The following BIRC6 variants were observed in gnomAD, a reference collection of about 807,000 sequenced individuals.
BIRC6 encodes dual E2 ubiquitin-conjugating enzyme/E3 ubiquitin-protein ligase BIRC6.
In BIRC6, 98 loss-of-function variants were observed where a neutral mutation model predicts 503.3. The observed-to-expected ratio is 0.19, with a 90% CI of 0.17 to 0.23. BIRC6 has a LOEUF of 0.23. BIRC6 is among the 10% of genes least tolerant of loss of function. The probability of loss-of-function intolerance (pLI) is 1.00; values close to 1 mark genes in which losing one functional copy is unlikely to be tolerated. For missense variants in BIRC6, 5,360 were observed against 5,806.0 expected, an observed-to-expected ratio of 0.92 and a Z score of 2.50; for synonymous variants, 2,240 against 2,078.7, an observed-to-expected ratio of 1.08 and a Z score of -2.11.
At chr2:32,407,149 G>A (rs1488745062) in intron 9 of BIRC6, among the ~76,000 whole-genome samples, 1 of 151,994 alleles carries the variant, frequency 6.6e-6, no homozygotes, top group African/African-American at 2.4e-5. Context: ...CTGTTATTTA[G>A]AGTTTTAAGA....
chr2:32,617,699 A>G lies in BIRC6; in HGVS notation c.14395-26A>G, dbSNP rs368210349. The G allele has an allele frequency of 1.9e-6, 3 of 1,604,396 alleles. No individual in the cohort carries two copies. The African/African-American group carries it at 4.0e-5, about 21-fold the overall frequency. ...GTTGTGCTAGAGGGTTTGCAGTTCT[A>G]ACATTAGTCCTTTTCTCCTGCATAG... On this transcript the variant is annotated intron_variant, in intron 73 of 73. Transcript: ENST00000421745.
At chr2:32,601,110 T>G (rs1452897724) in intron 70 of BIRC6, among the ~76,000 whole-genome samples, 1 of 152,236 alleles carries the variant, frequency 6.6e-6, no homozygotes, top group African/African-American at 2.4e-5. Context: ...TTGCACAAGC[T>G]TGCACTAAAG....
chr2:32,571,378 C>CTTTTTTT (rs61599835), intron 65 of BIRC6, among the ~76,000 whole-genome samples: 411 of 20,286 alleles, frequency 0.02, 32 homozygotes, highest in East Asian at 0.05. Context: ...TGGTCCTGGG[C>CTTTTTTT]TTTTTTTTTT....
chr2:32,611,399 TA>T, intron 72 of BIRC6, 48 bp from the exon 73 acceptor site: 1 of 1,507,722 alleles, frequency 6.6e-7, no homozygotes, highest in Non-Finnish European at 9.0e-7. Flanking sequence ...CTGTGTCTTT[TA>T]AATTTGACTG....
chr2:32,404,731 G>A (rs776181562), intron 8 of BIRC6, among the ~76,000 whole-genome samples: 4 of 151,260 alleles, frequency 2.6e-5, no homozygotes, highest in South Asian at 2.1e-4. Context: ...CCGGGCTCAC[G>A]GCTCACTGCA....
chr2:32,548,500 A>G (rs2058212010), intron 64 of BIRC6, among the ~76,000 whole-genome samples: 1 of 150,916 alleles, frequency 6.6e-6, no homozygotes. Flanking sequence ...ATAACTTTTC[A>G]GCCGGGCGTG....
At position 32,524,968 on chromosome 2, in the gene BIRC6, G is replaced by C. The variant is rs1177739917; in HGVS notation, c.11704G>C (p.Val3902Leu). 1 of 1,565,532 alleles carries C rather than the reference G, an allele frequency of 6.4e-7. No homozygotes were observed. The highest frequency in any genetic ancestry group is 8.6e-7 in the Non-Finnish European group (1 of 1,156,928). ...GAAAAACCATGAAGAGAAAGAAAAA[G>C]TTAAAGCGGAAAATGGATTTCAAGA... The part of the protein sequence containing the change: ...EKKNHEEKEK[V>L]KAENGFQDNY... Residue 3902 changes from valine to leucine, a missense_variant, in exon 58 of 74, where the codon GTT becomes CTT. Physicochemically the swap from Val to Leu is conservative, Grantham distance 32. Around this residue, in one of 16 missense-constraint regions of BIRC6, gnomAD observed 878 missense variants for 928.9 expected, o/e 0.95. Transcript: ENST00000421745.
chr2:32,429,333 A>G (rs1051412034), intron 11 of BIRC6, 38 bp downstream of exon 11: 6 of 1,369,954 alleles, frequency 4.4e-6, no homozygotes, highest in Non-Finnish European at 5.8e-6. Context: ...TAAAAAAAGA[A>G]TAGGTAGTAT....
rs374314526 is a variant in BIRC6, at chr2:32,515,362, T to G, written c.10941T>G (p.Ile3647Met). 23 of 1,613,632 alleles carry G rather than the reference T, an allele frequency of 1.4e-5. No homozygotes were observed. The African/African-American group carries it at 2.4e-4, about 17-fold the overall frequency. Residue 3647 changes from isoleucine (I) to methionine (M), a missense_variant, in exon 55 of 74, where the codon ATT (isoleucine) becomes ATG (methionine). By Grantham distance (10) the Ile-to-Met change is conservative. Coordinates refer to ENST00000421745, the MANE Select transcript of BIRC6 (RefSeq NM_016252.4). ...RSLASFCFSH[I>M]SSSESIAQSI... is the part of the protein sequence containing the mutation. ...TGGCTAGTTTCTGCTTTAGCCACAT[T>G]TCTAGCTCAGAAAGCATTGCCCAGT...
chr2:32,578,391 C>A (rs2060408471), intron 66 of BIRC6, among the ~76,000 whole-genome samples: 1 of 152,144 alleles, frequency 6.6e-6, no homozygotes, highest in East Asian at 1.9e-4. Context: ...TCACAAAAAT[C>A]CTAGAATACT....
chr2:32,493,417 T>A, intron 44 of BIRC6, 123 bp from the exon 45 acceptor site: 1 of 844,142 alleles, frequency 1.2e-6, no homozygotes, highest in East Asian at 2.5e-5. Flanking sequence ...TTAATACTTT[T>A]GTTTTCCTCG....
intron 66 of BIRC6, among the ~76,000 whole-genome samples, chr2:32,591,507 A>G (rs1207824078): frequency 6.6e-6 from 1 of 152,218 alleles, no homozygotes; most frequent in African/African-American, 2.4e-5. Flanking sequence ...GGTAATCTAC[A>G]CACTGGGGTG....
At chr2:32,509,112 C>G (rs1358254120) in intron 51 of BIRC6, among the ~76,000 whole-genome samples, 4 of 151,728 alleles carry the variant, frequency 2.6e-5, no homozygotes, top group African/African-American at 9.7e-5. Context: ...GGTGCTAAGA[C>G]TACACAGTTT....
chr2:32,525,371 G>A, intron 58 of BIRC6, 93 bp from the exon 59 acceptor site: 1 of 1,330,504 alleles, frequency 7.5e-7, no homozygotes, highest in Admixed American at 1.9e-5. Context: ...CATTAGCTAG[G>A]AATGCATGCC....
chr2:32,571,583 G>C (rs2059921274), intron 65 of BIRC6, among the ~76,000 whole-genome samples: 1 of 151,780 alleles, frequency 6.6e-6, no homozygotes, highest in Non-Finnish European at 1.5e-5. Context: ...TTGTATTTCT[G>C]TAGTATCAGT....
intron 23 of BIRC6, among the ~76,000 whole-genome samples, chr2:32,461,082 C>T (rs1173892435): frequency 1.7e-4 from 1 of 5,786 alleles, no homozygotes; most frequent in Admixed American, 1.2e-3. Context: ...CCTCTCCTCT[C>T]CTCTCCTCTC....
intron 1 of BIRC6, among the ~76,000 whole-genome samples, chr2:32,362,394 C>G (rs1265380733): frequency 1.3e-5 from 2 of 150,832 alleles, no homozygotes; most frequent in Non-Finnish European, 2.9e-5. Context: ...CGGCTCACTG[C>G]AAGCTCCGCC....
chr2:32,568,194 T>C (rs1157402640), intron 65 of BIRC6, among the ~76,000 whole-genome samples: 1 of 151,432 alleles, frequency 6.6e-6, no homozygotes, highest in Admixed American at 6.6e-5. Flanking sequence ...TATCTTTTTT[T>C]TTTTTTTTCA....
chr2:32,493,062 A>G (rs909464099), intron 44 of BIRC6, among the ~76,000 whole-genome samples: 6 of 141,114 alleles, frequency 4.3e-5, no homozygotes, highest in African/African-American at 1.6e-4. Context: ...ATTTTTATTT[A>G]GTTTTTGTTT....
Sources: allele counts gnomAD v4.1 joint callset (sites outside exome capture counted in the v4.1 genomes callset), GRCh38; gene constraint gnomAD v4.1.1; regional missense constraint gnomAD v4.1.1; transcripts MANE v1.5; gene names NCBI Gene and HGNC (gene_info 2026-07-23, HGNC 2026-07-21).